Variants in COL15A1 observed in about 807,000 individuals in gnomAD.
COL15A1 encodes collagen type XV alpha 1 chain.
COL15A1 carries 111 observed loss-of-function variants against 165.9 expected under a neutral mutation model. The observed-to-expected ratio is 0.67, with a 90% CI of 0.57 to 0.78. The LOEUF is 0.78. COL15A1 is among the 30% of genes least tolerant of loss of function. The probability of loss-of-function intolerance (pLI) is 0.00; values close to 1 mark genes in which losing one functional copy is unlikely to be tolerated. For synonymous variants in COL15A1, 659 were observed against 674.8 expected (o/e 0.98, Z 0.36); for missense variants, 1,745 against 1,789.7 (o/e 0.98, Z 0.45).
chr9:99,005,441 C>T (rs1838744424), intron 9 of COL15A1, among the ~76,000 whole-genome samples: 1 of 152,176 alleles, frequency 6.6e-6, no homozygotes. Flanking sequence ...CTAGCCCTCT[C>T]CTCGTGCAGC....
At chr9:98,966,886 A>G (rs1404144513) in intron 2 of COL15A1, among the ~76,000 whole-genome samples, 2 of 152,246 alleles carry the variant, frequency 1.3e-5, no homozygotes, top group African/African-American at 4.8e-5. Flanking sequence ...TGTGACAACT[A>G]CTGGCATTCA....
intron 2 of COL15A1, among the ~76,000 whole-genome samples, chr9:98,969,360 T>C (rs1389466146): frequency 2.0e-5 from 3 of 152,236 alleles, no homozygotes; most frequent in African/African-American, 7.2e-5. Flanking sequence ...GTAGGTAGCA[T>C]TCCTCTTGCG....
rs201110221 is a variant in COL15A1, at chr9:99,003,558, A to G, written c.1171A>G (p.Thr391Ala). ...CGGGGGACCAACCCTCTCTATGTCC[A>G]CGGAGAACCCAGAGGAAGGGGTCAC... ...PTGGPTLSMS[T>A]ENPEEGVTPG... The change falls in exon 8 of 42, where the codon ACG becomes GCG. Residue 391 changes from threonine to alanine, a missense_variant. Thr to Ala is a moderately conservative substitution (Grantham distance 58, BLOSUM62 0). Transcript: ENST00000375001. 6.4e-7 allele frequency: 1 copy of G among 1,554,146 alleles called. No individual in the cohort carries two copies. The highest frequency in any genetic ancestry group is 1.9e-5 in the Admixed American group (1 of 51,700).
In COL15A1 at chr9:99,068,645, C is replaced by T. The variant is rs1219515615; in HGVS notation, c.3928C>T (p.Arg1310Ter). The T allele has an allele frequency of 3.8e-6, 6 of 1,562,488 alleles. No individual in the cohort carries two copies. Among genetic ancestry groups the T allele is most frequent in the African/African-American group, 1.4e-5 (1 of 71,322 alleles). Residue 1310 changes from arginine to a stop codon, truncating the protein, a stop_gained, in exon 41 of 42, where the codon CGA (arginine) becomes TGA (stop). Coordinates refer to ENST00000375001, the MANE Select transcript of COL15A1 (RefSeq NM_001855.5). LOFTEE classifies it high-confidence loss of function. ...TATTCCAATATACTCCTTTGATGGTCGAGACATAATGACAGATCCTTCTTG... is the reference window on the plus strand; with the variant it reads ...TATTCCAATATACTCCTTTGATGGTTGAGACATAATGACAGATCCTTCTTG... ...MHIPIYSFDG[R>*]DIMTDPSWPQ...
At chr9:99,039,711 A>G (rs1839367839) in intron 22 of COL15A1, among the ~76,000 whole-genome samples, 1 of 152,120 alleles carries the variant, frequency 6.6e-6, no homozygotes, top group Non-Finnish European at 1.5e-5. Flanking sequence ...TTGCAGCCCC[A>G]TCTTCTCCAC....
chr9:99,062,389 C>G, intron 38 of COL15A1, 85 bp downstream of exon 38: 1 of 1,007,624 alleles, frequency 9.9e-7, no homozygotes, highest in South Asian at 1.3e-5. Flanking sequence ...CCAAGCTCTC[C>G]AAACTCTGGA....
rs552410777 is a variant in COL15A1, at chr9:99,068,181, A to G, written c.3838-374A>G. Among the ~76,000 whole-genome samples, 121 of 152,244 alleles carry G rather than the reference A, an allele frequency of 7.9e-4. No individual in the cohort carries two copies. The South Asian group carries it at 0.013, about 16-fold the overall frequency. On this transcript the variant is annotated intron_variant, in intron 40 of 41. Transcript: ENST00000375001. Reference sequence around the variant, plus strand: ...TCTGGGCCTTGAAGAGCGAGTAAAAATCGGCCAAGTGTGGTGGTGCATGCC... The same window carrying G: ...TCTGGGCCTTGAAGAGCGAGTAAAAGTCGGCCAAGTGTGGTGGTGCATGCC...
chr9:98,944,097 C>T (rs1554681892), intron 1 of COL15A1, 25 bp downstream of exon 1: 17 of 1,614,130 alleles, frequency 1.1e-5, no homozygotes, highest in Non-Finnish European at 1.4e-5. Context: ...TCTGCTTCCT[C>T]GCGTCCCGGG....
At chr9:99,017,030 T>C (rs1838947277) in intron 11 of COL15A1, among the ~76,000 whole-genome samples, 1 of 152,264 alleles carries the variant, frequency 6.6e-6, no homozygotes, top group Non-Finnish European at 1.5e-5. Flanking sequence ...TTGTCTTGCA[T>C]TCATTCGTTG....
intron 9 of COL15A1, among the ~76,000 whole-genome samples, chr9:99,005,798 A>G (rs766273474): frequency 6.6e-6 from 1 of 152,128 alleles, no homozygotes; most frequent in Non-Finnish European, 1.5e-5. Flanking sequence ...AGCCCGGGCA[A>G]TTGCTAAGAG....
intron 9 of COL15A1, among the ~76,000 whole-genome samples, chr9:99,005,268 G>A (rs534722275): frequency 6.6e-6 from 1 of 152,272 alleles, no homozygotes; most frequent in Non-Finnish European, 1.5e-5. Context: ...TGGGTGAGTT[G>A]CAGAGGTGGG....
In COL15A1 at chr9:98,996,994, G is replaced by C; in HGVS notation, c.865G>C (p.Asp289His). Residue 289 changes from aspartate (D) to histidine (H), a missense_variant, in exon 6 of 42, where the codon GAC (aspartate) becomes CAC (histidine). Transcript: ENST00000375001. ...TCCAACTCCATCCTCCCCCTTTGAAGACATGGAACTTTCTGGTGAACCTGT... is the reference window on the plus strand; with the variant it reads ...TCCAACTCCATCCTCCCCCTTTGAACACATGGAACTTTCTGGTGAACCTGT... ...TPPTPSSPFEDMELSGEPVPE... is the reference protein window; with the variant it reads ...TPPTPSSPFEHMELSGEPVPE... 6.2e-7 allele frequency: 1 copy of C among 1,614,102 alleles called. No homozygotes were observed. Among genetic ancestry groups the C allele is most frequent in the South Asian group, 1.1e-5 (1 of 91,076 alleles).
intron 16 of COL15A1, among the ~76,000 whole-genome samples, chr9:99,034,110 T>C (rs1839255260): frequency 6.6e-6 from 1 of 152,172 alleles, no homozygotes; most frequent in East Asian, 1.9e-4. Context: ...AGAGAGCCAG[T>C]CATCATCCCC....
chr9:99,043,856 A>G (rs1288289171), intron 24 of COL15A1, among the ~76,000 whole-genome samples: 1 of 152,208 alleles, frequency 6.6e-6, no homozygotes, highest in Non-Finnish European at 1.5e-5. Flanking sequence ...AGCCTCTAGC[A>G]TAGTAGATGT....
intron 39 of COL15A1, among the ~76,000 whole-genome samples, chr9:99,066,599 G>GTTTTGTTTTTTTTTTTTTTTTTTTTT (rs1554692265): frequency 1.4e-5 from 1 of 71,082 alleles, no homozygotes; most frequent in East Asian, 3.6e-4. Context: ...ATTTTGTTCT[G>GTTTTGTTTTTTTTTTTTTTTTTTTTT]TTTTTTTTTT....
chr9:98,957,884 G>A (rs1224302527), intron 2 of COL15A1, among the ~76,000 whole-genome samples: 2 of 152,138 alleles, frequency 1.3e-5, no homozygotes, highest in Non-Finnish European at 2.9e-5. Flanking sequence ...TTAAGAAATG[G>A]GGTTTCACTG....
chr9:98,969,370 G>A (rs775581474), intron 2 of COL15A1, among the ~76,000 whole-genome samples: 5 of 152,138 alleles, frequency 3.3e-5, no homozygotes, highest in African/African-American at 4.8e-5. Flanking sequence ...TTCCTCTTGC[G>A]GATCGAGAAA....
intron 26 of COL15A1, 142 bp from the exon 27 acceptor site, chr9:99,047,644 G>C (rs1463479606): frequency 1.2e-5 from 10 of 819,604 alleles, no homozygotes; most frequent in Non-Finnish European, 1.9e-5. Flanking sequence ...CGCAGGCAGG[G>C]GCTTCTACCT....
intron 41 of COL15A1, 131 bp from the exon 42 acceptor site, chr9:99,069,542 G>A: frequency 8.4e-7 from 1 of 1,187,766 alleles, no homozygotes; most frequent in Non-Finnish European, 1.2e-6. Flanking sequence ...GGGCAATGAG[G>A]ATAGAGAAGT....
Sources: allele counts gnomAD v4.1 joint callset (sites outside exome capture counted in the v4.1 genomes callset), GRCh38; gene constraint gnomAD v4.1.1; transcripts MANE v1.5; gene names NCBI Gene and HGNC (gene_info 2026-07-23, HGNC 2026-07-21).